The following SCRG1 variants were observed in gnomAD, a reference collection of about 807,000 sequenced individuals.
The protein encoded by SCRG1 is stimulator of chondrogenesis 1, also known as scrapie-responsive protein 1.
SCRG1 carries 3 observed loss-of-function variants against 7.7 expected under a neutral mutation model. The ratio of observed to expected loss-of-function variants is 0.39; its 90% CI spans 0.18 to 1.01. SCRG1 has a LOEUF of 1.01. Ranked by LOEUF, SCRG1 falls within the 50% of genes least tolerant of loss-of-function variation. The pLI, the probability that SCRG1 is intolerant of heterozygous loss-of-function variation, is 0.36. For synonymous variants in SCRG1, 46 were observed against 41.2 expected, an observed-to-expected ratio of 1.12 and a Z score of -0.44; for missense variants, 110 against 117.2, an observed-to-expected ratio of 0.94 and a Z score of 0.28.
chr4:173,433,980 T>A, the SCRG1 span, among the ~76,000 whole-genome samples: 1 of 152,252 alleles, frequency 6.6e-6, no homozygotes, highest in Non-Finnish European at 1.5e-5. Context: ...TCTTAGTGCC[T>A]CTTTGCTTTT....
the SCRG1 span, among the ~76,000 whole-genome samples, chr4:173,466,898 C>T: frequency 6.6e-6 from 1 of 152,064 alleles, no homozygotes; most frequent in Non-Finnish European, 1.5e-5. Flanking sequence ...CTATTTGACT[C>T]AGCAAACATA....
At chr4:173,422,457 T>A in the SCRG1 span, among the ~76,000 whole-genome samples, 2 of 152,180 alleles carry the variant, frequency 1.3e-5, no homozygotes, top group African/African-American at 2.4e-5. Flanking sequence ...TTCAGGGTCA[T>A]GTATTTGTTA....
chr4:173,462,072 C>G, the SCRG1 span, among the ~76,000 whole-genome samples: 2 of 151,928 alleles, frequency 1.3e-5, no homozygotes, highest in African/African-American at 2.4e-5. Context: ...TTTAAAATAG[C>G]CTTAAAAGGG....
At chr4:173,419,846 A>G in the SCRG1 span, 2 of 1,338,000 alleles carry the variant, frequency 1.5e-6, no homozygotes, top group South Asian at 1.2e-5. Flanking sequence ...TAACCTATTG[A>G]GAAGCCTGCG....
the SCRG1 span, chr4:173,419,462 T>A: frequency 1.1e-6 from 1 of 910,546 alleles, no homozygotes; most frequent in Non-Finnish European, 1.8e-6. Context: ...GTTCTTTGTG[T>A]ATTGAGAGAA....
At chr4:173,423,500 G>A in the SCRG1 span, among the ~76,000 whole-genome samples, 7 of 152,056 alleles carry the variant, frequency 4.6e-5, no homozygotes, top group Admixed American at 3.3e-4. Flanking sequence ...TAAAGACAGC[G>A]TTTGCTAAAA....
At chr4:173,414,942 G>A in the SCRG1 span, among the ~76,000 whole-genome samples, 1 of 152,342 alleles carries the variant, frequency 6.6e-6, no homozygotes, top group East Asian at 1.9e-4. Context: ...GTAACCAGTA[G>A]TTTTTGCCTG....
the SCRG1 span, among the ~76,000 whole-genome samples, chr4:173,421,423 G>C: frequency 6.6e-6 from 1 of 151,464 alleles, no homozygotes. Flanking sequence ...TGTTGGGGGG[G>C]GGTTGATTTG....
the SCRG1 span, among the ~76,000 whole-genome samples, chr4:173,463,356 C>T: frequency 1.3e-5 from 2 of 152,162 alleles, no homozygotes; most frequent in African/African-American, 4.8e-5. Context: ...TCACTGCAAC[C>T]TCTGCCCCCC....
At chr4:173,453,270 T>C in the SCRG1 span, among the ~76,000 whole-genome samples, 1 of 152,212 alleles carries the variant, frequency 6.6e-6, no homozygotes, top group Non-Finnish European at 1.5e-5. Context: ...ATAAACATCC[T>C]TGTAATCATA....
chr4:173,403,858 A>C (rs993686169), upstream of SCRG1, among the ~76,000 whole-genome samples: 2 of 152,184 alleles, frequency 1.3e-5, no homozygotes, highest in Non-Finnish European at 2.9e-5. Flanking sequence ...GAAAGATGGA[A>C]AGATTGACTA....
the SCRG1 span, among the ~76,000 whole-genome samples, chr4:173,481,695 C>A: frequency 6.6e-6 from 1 of 152,136 alleles, no homozygotes; most frequent in African/African-American, 2.4e-5. Context: ...TTATGATAAT[C>A]CACTTCCACT....
the SCRG1 span, among the ~76,000 whole-genome samples, chr4:173,412,201 A>T: frequency 6.6e-6 from 1 of 152,152 alleles, no homozygotes; most frequent in East Asian, 1.9e-4. Context: ...CATGTGGTCT[A>T]ACTTAAGCTA....
At chr4:173,460,997 G>A in the SCRG1 span, among the ~76,000 whole-genome samples, 1 of 152,204 alleles carries the variant, frequency 6.6e-6, no homozygotes, top group Admixed American at 6.5e-5. Context: ...TTAGAAAGGG[G>A]AGAGAAGAGT....
At chr4:173,494,866 C>T in the SCRG1 span, among the ~76,000 whole-genome samples, 1 of 152,198 alleles carries the variant, frequency 6.6e-6, no homozygotes, top group East Asian at 1.9e-4. Context: ...AAACAAGCAC[C>T]GATCAATTTA....
rs373424042 is a variant in SCRG1 at position 173,388,075 on chromosome 4, T to C, written c.*266A>G. The C allele has an allele frequency of 1.3e-4, 46 of 342,886 alleles. No individual in the cohort carries two copies. Among genetic ancestry groups the C allele is most frequent in the East Asian group, 1.3e-3 (28 of 22,066 alleles). The allele number at this position is 342,886 out of a possible 1,614,324, so 21.2% of individuals were successfully genotyped here. Reference sequence around the variant, plus strand: ...TGGCTCTTCATCTGGGGGACAGAACTCTTTAACTGAGTATAATGAACACCT... The same window carrying C: ...TGGCTCTTCATCTGGGGGACAGAACCCTTTAACTGAGTATAATGAACACCT... On this transcript the variant is annotated 3_prime_UTR_variant, in exon 3 of 3. Transcript: ENST00000296506.
chr4:173,417,266 C>T, the SCRG1 span, among the ~76,000 whole-genome samples: 1 of 152,110 alleles, frequency 6.6e-6, no homozygotes. Context: ...GCATGTTTTA[C>T]CCCAAATTGA....
At chr4:173,451,599 CATTTTATTTT>C in the SCRG1 span, among the ~76,000 whole-genome samples, 20 of 138,538 alleles carry the variant, frequency 1.4e-4, no homozygotes, top group African/African-American at 4.1e-4. Context: ...ACAGTGGTAC[CATTTTATTTT>C]ATTTTATTTT....
chr4:173,405,349 T>G (rs1739873742), intron 1 of SCRG1, among the ~76,000 whole-genome samples: 1 of 152,182 alleles, frequency 6.6e-6, no homozygotes, highest in Non-Finnish European at 1.5e-5. Flanking sequence ...AACATACAGG[T>G]CAGGAACGTG....
Sources: allele counts gnomAD v4.1 joint callset (sites outside exome capture counted in the v4.1 genomes callset), GRCh38; gene constraint gnomAD v4.1.1; transcripts MANE v1.5; gene names NCBI Gene and HGNC (gene_info 2026-07-23, HGNC 2026-07-21).